Variants in SMG1 observed in about 807,000 individuals in gnomAD.
The protein encoded by SMG1 is SMG1 nonsense mediated mRNA decay associated PI3K related kinase, also known as serine/threonine-protein kinase SMG1.
SMG1 carries 22 observed loss-of-function variants against 419.9 expected under a neutral mutation model. The observed-to-expected ratio is 0.05, with a 90% CI of 0.04 to 0.07. SMG1 has a LOEUF of 0.07. SMG1 is among the 10% of genes least tolerant of loss of function. SMG1 has a pLI of 1.00. For missense variants in SMG1, 3,185 were observed against 4,342.0 expected (o/e 0.73, Z 7.49); for synonymous variants, 1,538 against 1,553.5 (o/e 0.99, Z 0.23).
chr16:18,853,042 G>A (rs557900261), intron 31 of SMG1, among the ~76,000 whole-genome samples: 2 of 152,194 alleles, frequency 1.3e-5, no homozygotes, highest in African/African-American at 4.8e-5. Context: ...TTAGGCTTCA[G>A]AACAACAAAA....
intron 8 of SMG1, 81 bp downstream of exon 8, chr16:18,885,009 T>C (rs1307870766): frequency 6.1e-6 from 4 of 652,964 alleles, no homozygotes; most frequent in African/African-American, 3.7e-5. Context: ...ATTAAAGAAA[T>C]GGTATTGATA....
intron 33 of SMG1, among the ~76,000 whole-genome samples, 152 bp from the exon 34 acceptor site, chr16:18,850,619 T>A (rs1013874520): frequency 1.5e-4 from 23 of 152,246 alleles, no homozygotes; most frequent in African/African-American, 4.8e-4. Flanking sequence ...AATGTCAGTA[T>A]GCTTCTCTTT....
At chr16:18,861,968 G>A (rs560380466) in intron 25 of SMG1, among the ~76,000 whole-genome samples, 1 of 152,136 alleles carries the variant, frequency 6.6e-6, no homozygotes, top group Non-Finnish European at 1.5e-5. Flanking sequence ...CTGCTTTCTA[G>A]TGGCTCCTTC....
chr16:18,899,653 T>A (rs2037271135), intron 1 of SMG1, among the ~76,000 whole-genome samples: 1 of 152,126 alleles, frequency 6.6e-6, no homozygotes, highest in Non-Finnish European at 1.5e-5. Context: ...AGAACGGAAA[T>A]GAGCACTTAA....
intron 31 of SMG1, among the ~76,000 whole-genome samples, chr16:18,852,789 C>CT (rs1445214139): frequency 6.6e-6 from 1 of 152,194 alleles, no homozygotes; most frequent in Non-Finnish European, 1.5e-5. Context: ...ATCGGACTGG[C>CT]TATTTCCTCA....
chr16:18,814,724 G>A (rs1251106522), intron 60 of SMG1, among the ~76,000 whole-genome samples: 3 of 130,312 alleles, frequency 2.3e-5, no homozygotes, highest in African/African-American at 8.2e-5. Flanking sequence ...ACAAGCATCT[G>A]GCACCACACC....
chr16:18,833,544 A>T (rs372362082), intron 50 of SMG1, among the ~76,000 whole-genome samples: 31 of 149,278 alleles, frequency 2.1e-4, no homozygotes, highest in East Asian at 5.8e-4. Context: ...TGGTTTGGTT[A>T]TAAGTGGCTT....
intron 1 of SMG1, among the ~76,000 whole-genome samples, chr16:18,910,378 G>GT (rs1555506404): frequency 1.3e-5 from 2 of 151,468 alleles, no homozygotes; most frequent in Non-Finnish European, 2.9e-5. Flanking sequence ...TTACAGGCAT[G>GT]CACCACCATG....
In SMG1 at chr16:18,864,072, G is replaced by C. The variant is rs563660528; in HGVS notation, c.3423C>G (p.Ser1141Arg). The change falls in exon 24 of 63, where the codon AGC becomes AGG. Residue 1141 changes from serine to arginine, a missense_variant. By Grantham distance (110) the Ser-to-Arg change is moderately radical. Transcript: ENST00000446231. ...CTAAGGTGAGCACCGATTTGTCAAA[G>C]CTGGAGATGCAGCAATCAACACCTG... ...AMTGVDCCIS[S>R]FDKSVLTLAN... is the part of the protein sequence containing the mutation. The C allele has an allele frequency of 1.1e-4, 178 of 1,549,636 alleles. No homozygotes were observed. The highest frequency in any genetic ancestry group is 1.5e-4 in the Non-Finnish European group (171 of 1,146,876).
intron 6 of SMG1, among the ~76,000 whole-genome samples, chr16:18,888,631 C>T (rs1219184613): frequency 5.3e-5 from 8 of 151,682 alleles, no homozygotes; most frequent in Non-Finnish European, 1.0e-4. Flanking sequence ...CCATGCCTGG[C>T]TAATTTTTGT....
intron 21 of SMG1, 65 bp downstream of exon 21, chr16:18,868,458 C>G: frequency 8.8e-6 from 13 of 1,472,922 alleles, no homozygotes; most frequent in Non-Finnish European, 1.2e-5. Flanking sequence ...GATTTCAGCT[C>G]TGCACATACT....
chr16:18,906,384 GAC>G lies in SMG1; in HGVS notation c.93-9430_93-9429del, dbSNP rs370387152. Among the ~76,000 whole-genome samples, 89 of 152,218 alleles carry G rather than the reference GAC, an allele frequency of 5.8e-4. No individual in the cohort carries two copies. In the East Asian group the frequency reaches 0.017, roughly 29 times the overall value. On this transcript the variant is annotated intron_variant, in intron 1 of 62. Coordinates refer to ENST00000446231, the MANE Select transcript of SMG1 (RefSeq NM_015092.5). ...TGTAATTCCAGCTACACGGGAGACT[GAC>G]ACAGGAGAATCGCTTGAACCCAGGA...
chr16:18,830,448 C>T (rs1056390772), intron 51 of SMG1, 79 bp from the exon 52 acceptor site: 17 of 1,469,680 alleles, frequency 1.2e-5, no homozygotes, highest in Middle Eastern at 3.5e-4. Context: ...CAGTACATCT[C>T]ACAGCTGCAT....
intron 5 of SMG1, among the ~76,000 whole-genome samples, 184 bp from the exon 6 acceptor site, chr16:18,889,769 C>T (rs1216921689): frequency 1.3e-5 from 2 of 152,184 alleles, no homozygotes; most frequent in Non-Finnish European, 2.9e-5. Flanking sequence ...GCATTGCCCT[C>T]AAGTATCTGT....
intron 51 of SMG1, among the ~76,000 whole-genome samples, chr16:18,830,633 C>CA (rs955403355): frequency 6.6e-5 from 10 of 152,142 alleles, no homozygotes; most frequent in African/African-American, 2.4e-4. Flanking sequence ...ACTAAAAATA[C>CA]AAAAAAATCA....
At chr16:18,828,259 A>G in intron 54 of SMG1, 91 bp from the exon 55 acceptor site, 1 of 1,322,128 alleles carries the variant, frequency 7.6e-7, no homozygotes, top group Non-Finnish European at 1.0e-6. Flanking sequence ...GACTGGCGGA[A>G]GAGAAAAAAA....
At chr16:18,852,944 TGAA>T (rs1439615616) in intron 31 of SMG1, among the ~76,000 whole-genome samples, 7 of 152,228 alleles carry the variant, frequency 4.6e-5, no homozygotes, top group Admixed American at 1.3e-4. Context: ...TCTGACAAGA[TGAA>T]GATTTATAAT....
Position 18,845,637 on chromosome 16 carries a change from G to C in SMG1, c.6011C>G (p.Ala2004Gly). ...AGCTGTGTGCTTCTCCCTCATGATT[G>C]CAATTTTCTCTTCTCTGACCAAGAA... ...NNTLRKEEKI[A>G]IMREKHTALM... The change falls in exon 39 of 63, where the codon GCA (alanine) becomes GGA (glycine). Residue 2004 changes from alanine to glycine, a missense_variant. Coordinates refer to ENST00000446231, the MANE Select transcript of SMG1 (RefSeq NM_015092.5). 1.2e-6 allele frequency: 2 copies of C among 1,609,584 alleles called. No individual in the cohort carries two copies. The highest frequency in any genetic ancestry group is 8.5e-7 in the Non-Finnish European group (1 of 1,178,156).
intron 56 of SMG1, among the ~76,000 whole-genome samples, chr16:18,818,646 T>C (rs143771643): frequency 2.7e-3 from 416 of 152,250 alleles, no homozygotes; most frequent in Non-Finnish European, 4.5e-3. Flanking sequence ...TTAGGGAGTA[T>C]GGGTGAAATA....
Sources: gnomAD v4.1 joint callset for allele counts (sites outside exome capture counted in the v4.1 genomes callset) on GRCh38, gnomAD v4.1.1 for gene constraint, MANE v1.5 for transcripts, NCBI Gene and HGNC (gene_info 2026-07-23, HGNC 2026-07-21) for gene names.